Variants in UNC13C observed in about 807,000 individuals in gnomAD.
The protein encoded by UNC13C is protein unc-13 homolog C.
Under a neutral mutation model 245.4 loss-of-function variants are expected in UNC13C, and 174 were observed. That is an observed-to-expected ratio of 0.71 (90% confidence interval 0.63 to 0.80). The LOEUF is 0.80. Among genes scored for constraint, UNC13C ranks in the 30% least tolerant of loss-of-function variants. UNC13C has a pLI of 0.00. For synonymous variants in UNC13C, 992 were observed against 895.1 expected (o/e 1.11, Z -1.93); for missense variants, 2,829 against 2,602.9 (o/e 1.09, Z -1.89).
chr15:54,136,203 T>C (rs2141224212), intron 2 of UNC13C, among the ~76,000 whole-genome samples: 1 of 152,296 alleles, frequency 6.6e-6, no homozygotes, highest in South Asian at 2.1e-4. Context: ...AGTGGGGTAA[T>C]CACTGCTAAC....
intron 32 of UNC13C, 105 bp downstream of exon 32, chr15:54,624,059 C>G (rs898155939): frequency 7.1e-7 from 1 of 1,413,648 alleles, no homozygotes; most frequent in African/African-American, 1.4e-5. Context: ...ATGAAGAAGG[C>G]TCTGTTTTTA....
At chr15:54,539,089 C>A (rs1896126271) in intron 26 of UNC13C, among the ~76,000 whole-genome samples, 5 of 151,994 alleles carry the variant, frequency 3.3e-5, no homozygotes, top group African/African-American at 1.2e-4. Flanking sequence ...AATTTTCCCA[C>A]AGTCATAATT....
At chr15:54,444,195 A>G (rs999424172) in intron 19 of UNC13C, among the ~76,000 whole-genome samples, 1 of 151,566 alleles carries the variant, frequency 6.6e-6, no homozygotes, top group African/African-American at 2.4e-5. Context: ...AGTATGTTTT[A>G]TCTTGTGTAA....
chr15:53,846,822 C>G, the UNC13C span, among the ~76,000 whole-genome samples: 9 of 152,200 alleles, frequency 5.9e-5, no homozygotes, highest in African/African-American at 1.2e-4. Flanking sequence ...TAGGTAGAAG[C>G]TTTAGTTATC....
At chr15:54,206,828 G>C (rs2034728436) in intron 4 of UNC13C, among the ~76,000 whole-genome samples, 1 of 152,068 alleles carries the variant, frequency 6.6e-6, no homozygotes, top group South Asian at 2.1e-4. Context: ...AAGTGAAACT[G>C]TACGTCAACA....
rs1246741024 is a variant in UNC13C at position 54,015,868 on chromosome 15, GAGA to G, written c.2969_2971del (p.Lys990del). On this transcript the variant is annotated inframe_deletion, in exon 2 of 33. Transcript: ENST00000260323. Reference sequence around the variant, plus strand: ...TAAAAAGCAAATGGCAGAGTTGGAAGAGAAGATCTTGGCTGGAGGTATTCATGT... The same window carrying G: ...TAAAAAGCAAATGGCAGAGTTGGAAGAGATCTTGGCTGGAGGTATTCATGT... The G allele has an allele frequency of 6.3e-7, 1 of 1,593,170 alleles. No individual in the cohort carries two copies. The highest frequency in any genetic ancestry group is 1.1e-5 in the South Asian group (1 of 87,716).
chr15:54,448,601 G>A (rs1890969560), intron 19 of UNC13C, among the ~76,000 whole-genome samples: 1 of 152,088 alleles, frequency 6.6e-6, no homozygotes, highest in Non-Finnish European at 1.5e-5. Context: ...TGCAACCCCT[G>A]CCTTTTTTTG....
At chr15:53,978,391 G>A (rs1051662771), upstream of UNC13C, among the ~76,000 whole-genome samples, 3 of 152,174 alleles carry the variant, frequency 2.0e-5, no homozygotes, top group African/African-American at 4.8e-5. Context: ...GAGGGAGCCC[G>A]GGCGCTCTCG....
chr15:54,081,654 A>C (rs936842498), intron 2 of UNC13C, among the ~76,000 whole-genome samples: 1 of 151,256 alleles, frequency 6.6e-6, no homozygotes, highest in East Asian at 1.9e-4. Context: ...ATCTTTCTTC[A>C]TCTCTTTACT....
intron 30 of UNC13C, among the ~76,000 whole-genome samples, chr15:54,594,551 T>C (rs1211579074): frequency 6.6e-6 from 1 of 152,006 alleles, no homozygotes; most frequent in Non-Finnish European, 1.5e-5. Flanking sequence ...TGAAGTTGTA[T>C]ACCTAGGAGG....
intron 2 of UNC13C, among the ~76,000 whole-genome samples, chr15:54,114,986 T>G (rs1485759405): frequency 6.6e-6 from 1 of 152,160 alleles, no homozygotes; most frequent in African/African-American, 2.4e-5. Flanking sequence ...AATTGGAATT[T>G]AAAATGCATT....
In UNC13C at chr15:54,565,855, G is replaced by C. The variant is rs534265253; in HGVS notation, c.5959-1945G>C. Among the ~76,000 whole-genome samples, 3 of 152,102 alleles carry C rather than the reference G, an allele frequency of 2.0e-5. No individual in the cohort carries two copies. The South Asian group carries it at 6.2e-4, about 32-fold the overall frequency. The stretch of plus-strand genomic sequence containing the variant: ...ATAACGCAAATGTGTATCATAGACA[G>C]AATATCCACTAATCTTTTCTGCTCC... On this transcript the variant is annotated intron_variant, in intron 29 of 32. Coordinates refer to ENST00000260323, the MANE Select transcript of UNC13C (RefSeq NM_001080534.3).
At chr15:54,096,136 G>T (rs1241954607) in intron 2 of UNC13C, among the ~76,000 whole-genome samples, 2 of 152,206 alleles carry the variant, frequency 1.3e-5, no homozygotes, top group African/African-American at 2.4e-5. Flanking sequence ...AGAATGAAAT[G>T]AGGGGGTCAC....
chr15:54,525,683 C>A, intron 25 of UNC13C, 46 bp downstream of exon 25: 2 of 1,475,582 alleles, frequency 1.4e-6, no homozygotes, highest in South Asian at 1.2e-5. Context: ...AATTAGGTGT[C>A]AGTTCATGAT....
chr15:54,449,495 A>T (rs1236652003), intron 19 of UNC13C, among the ~76,000 whole-genome samples: 2 of 151,654 alleles, frequency 1.3e-5, no homozygotes, highest in African/African-American at 4.8e-5. Context: ...TTTTTCTCTA[A>T]ACTTCTCTTC....
In UNC13C at chr15:54,014,515, C is replaced by A. The variant is rs1172047760; in HGVS notation, c.1612C>A (p.Gln538Lys). 4 of 1,613,722 alleles carry A rather than the reference C, an allele frequency of 2.5e-6. No individual in the cohort carries two copies. The African/African-American group carries it at 5.3e-5, about 22-fold the overall frequency. Residue 538 changes from glutamine to lysine, a missense_variant, in exon 2 of 33, where the codon CAG (glutamine) becomes AAG (lysine). By Grantham distance (53) the Gln-to-Lys change is moderately conservative. Transcript: ENST00000260323. The part of the protein sequence containing the change: ...YADATPLWHS[Q>K]SDFFTAKLSR... Reference sequence around the variant, plus strand: ...AGATGCAACACCTCTCTGGCACTCACAGAGTGATTTTTTCACTGCTAAACT... The same window carrying A: ...AGATGCAACACCTCTCTGGCACTCAAAGAGTGATTTTTTCACTGCTAAACT...
In UNC13C at chr15:54,224,338, G is replaced by A. The variant is rs554395584; in HGVS notation, c.3072-10692G>A. ...CTGGGAATTTGAAGGCTTTTATAGT[G>A]AAGGAATATTGAATGTCATCAAATG... On this transcript the variant is annotated intron_variant, in intron 4 of 32. Transcript: ENST00000260323. 3.2e-4 allele frequency among the ~76,000 whole-genome samples: 48 copies of A among 152,150 alleles called. 1 individual carries two copies. The South Asian group carries it at 6.4e-3, about 20-fold the overall frequency.
chr15:53,920,444 C>T, the UNC13C span, among the ~76,000 whole-genome samples: 1 of 152,114 alleles, frequency 6.6e-6, no homozygotes, highest in Non-Finnish European at 1.5e-5. Flanking sequence ...ATCTCAGCTA[C>T]TTGGCAGGCT....
chr15:54,617,749 C>G (rs1477300508), intron 30 of UNC13C, among the ~76,000 whole-genome samples: 2 of 152,038 alleles, frequency 1.3e-5, no homozygotes, highest in Non-Finnish European at 2.9e-5. Flanking sequence ...CATCATCTAC[C>G]ATCTTGGATG....
Sources: gnomAD v4.1 joint callset for allele counts (sites outside exome capture counted in the v4.1 genomes callset) on GRCh38, gnomAD v4.1.1 for gene constraint, MANE v1.5 for transcripts, NCBI Gene and HGNC (gene_info 2026-07-23, HGNC 2026-07-21) for gene names.